Variants in NPAS1 observed in about 807,000 individuals in gnomAD.
The protein encoded by NPAS1 is neuronal PAS domain-containing protein 1.
In NPAS1, 29 loss-of-function variants were observed where a neutral mutation model predicts 49.2. The ratio of observed to expected loss-of-function variants is 0.59; its 90% CI spans 0.44 to 0.80. The LOEUF (loss-of-function observed/expected upper bound fraction) is 0.80, where lower values mean the gene tolerates loss of function less well. NPAS1 is among the 30% of genes least tolerant of loss of function. NPAS1 has a pLI of 0.00. For synonymous variants in NPAS1, 408 were observed against 380.4 expected (o/e 1.07, Z -0.84); for missense variants, 825 against 835.5 (o/e 0.99, Z 0.15).
At position 47,026,890 on chromosome 19, in the gene NPAS1, T is replaced by G. The variant is rs530417961; in HGVS notation, c.358+5043T>G. Among the ~76,000 whole-genome samples the G allele has an allele frequency of 4.6e-5, 7 of 151,448 alleles. No individual in the cohort carries two copies. In the East Asian group the frequency reaches 1.4e-3, roughly 29 times the overall value. On this transcript the variant is annotated intron_variant, in intron 3 of 11. Coordinates refer to ENST00000602212, the MANE Select transcript of NPAS1 (RefSeq NM_002517.4). Reference sequence around the variant, plus strand: ...AATCACGTGAACCAGGAGGCAGAGGTTGCGGTGAGCTGAGATCCTGCCACT... The same window carrying G: ...AATCACGTGAACCAGGAGGCAGAGGGTGCGGTGAGCTGAGATCCTGCCACT...
chr19:47,027,081 G>A (rs940891262), intron 3 of NPAS1, among the ~76,000 whole-genome samples: 2 of 152,170 alleles, frequency 1.3e-5, no homozygotes, highest in African/African-American at 4.8e-5. Flanking sequence ...GAAAGTAAAG[G>A]CAAAGGTGAC....
Position 47,021,166 on chromosome 19 carries a change from C to G in NPAS1, c.119C>G (p.Pro40Arg). Residue 40 changes from proline (P) to arginine (R), a missense_variant, in exon 2 of 12, where the codon CCG becomes CGG. Physicochemically the swap from Pro to Arg is moderately radical, Grantham distance 103. Transcript: ENST00000602212. The surrounding 1 kb of genome is among the most constrained non-coding windows in gnomAD (Gnocchi z 5.7). ...CTGATGGTCAAGGCGCCGTCCGGACCGTGGTGAGCAAAGCCCCGCCCCCCT... is the reference window on the plus strand; with the variant it reads ...CTGATGGTCAAGGCGCCGTCCGGACGGTGGTGAGCAAAGCCCCGCCCCCCT... Reference protein sequence around the residue: ...PGLMVKAPSGPCLQAQRKEKS... With the variant: ...PGLMVKAPSGRCLQAQRKEKS... 1.9e-6 allele frequency: 3 copies of G among 1,577,524 alleles called. No individual in the cohort carries two copies. The highest frequency in any genetic ancestry group is 2.6e-6 in the Non-Finnish European group (3 of 1,164,188).
In NPAS1 at chr19:47,035,988, T is replaced by C; in HGVS notation, c.547T>C (p.Phe183Leu). The part of the protein sequence containing the change: ...SQVEMTGSSV[F>L]DYIHPGDHSE... ...GGTGGAGATGACGGGCAGCAGCGTC[T>C]TCGACTACATTCACCCTGGGGACCA... is the stretch of plus-strand genomic sequence containing the variant. Residue 183 changes from phenylalanine (F) to leucine (L), a missense_variant, in exon 6 of 12, where the codon TTC becomes CTC. Phe to Leu is a conservative substitution (Grantham distance 22). Transcript: ENST00000602212. 6.5e-7 allele frequency: 1 copy of C among 1,541,762 alleles called. No homozygotes were observed. Among genetic ancestry groups the C allele is most frequent in the Non-Finnish European group, 8.7e-7 (1 of 1,145,768 alleles).
chr19:47,020,329 G>C (rs1394850893), intron 1 of NPAS1, among the ~76,000 whole-genome samples: 1 of 151,950 alleles, frequency 6.6e-6, no homozygotes, highest in East Asian at 1.9e-4. Flanking sequence ...CCCGAGTGTC[G>C]GGTCAATCCT....
intron 3 of NPAS1, among the ~76,000 whole-genome samples, chr19:47,029,493 G>A (rs566491896): frequency 9.2e-5 from 14 of 152,060 alleles, no homozygotes; most frequent in African/African-American, 1.9e-4. Flanking sequence ...TCCACGTCCC[G>A]GGTTCAAGCA....
At position 47,021,539 on chromosome 19, in the gene NPAS1, G is replaced by C; in HGVS notation, c.123-73G>C. 1 of 1,057,060 alleles carries C rather than the reference G, an allele frequency of 9.5e-7. No individual in the cohort carries two copies. Among genetic ancestry groups the C allele is most frequent in the Non-Finnish European group, 1.3e-6 (1 of 772,804 alleles). The allele number at this position is 1,057,060 out of a possible 1,614,324, so 65.5% of individuals were successfully genotyped here. On this transcript the variant is annotated intron_variant, in intron 2 of 11. Coordinates refer to ENST00000602212, the MANE Select transcript of NPAS1 (RefSeq NM_002517.4). This position sits in a 1 kb window ranked among gnomAD's most constrained non-coding sequence, Gnocchi z 5.7. ...TCCCGTTCCCAAGGCCCCGGGAGGC[G>C]GGGCTCGCCCCCAGTTCCCAAGCCC...
chr19:47,019,840 G>T lies in NPAS1; in HGVS notation c.-200G>T. The T allele has an allele frequency of 3.4e-6, 1 of 297,730 alleles. No homozygotes were observed. Among genetic ancestry groups the T allele is most frequent in the Non-Finnish European group, 6.2e-6 (1 of 162,046 alleles). 18.4% of individuals were successfully genotyped at this position (297,730 alleles called of 1,614,324 possible). A position where few individuals can be genotyped will look rare whatever the true frequency, so the allele number is the denominator to read the frequency against. On this transcript the variant is annotated 5_prime_UTR_variant, in exon 1 of 12. Coordinates refer to ENST00000602212, the MANE Select transcript of NPAS1 (RefSeq NM_002517.4). ...CGCGCGTCTCCAAGTCTGCGAGGCCGAGGTGGGCGCCGAGAGCTGGGCGCC... is the reference window on the plus strand; with the variant it reads ...CGCGCGTCTCCAAGTCTGCGAGGCCTAGGTGGGCGCCGAGAGCTGGGCGCC...
intron 3 of NPAS1, among the ~76,000 whole-genome samples, chr19:47,025,584 A>G (rs904009793): frequency 6.6e-6 from 1 of 151,334 alleles, no homozygotes; most frequent in African/African-American, 2.4e-5. Flanking sequence ...AGCCCTTTTT[A>G]AATTTTTTTG....
chr19:47,020,941 T>G, intron 1 of NPAS1, 65 bp from the exon 2 acceptor site: 1 of 601,576 alleles, frequency 1.7e-6, no homozygotes, highest in Non-Finnish European at 2.5e-6. Flanking sequence ...CCTGCACGGA[T>G]CTCAGTTTCC....
rs935459328 is a variant in NPAS1 at position 47,025,083 on chromosome 19, G to A, written c.358+3236G>A. On this transcript the variant is annotated intron_variant, in intron 3 of 11. Transcript: ENST00000602212. ...AGTGCTGGGATTGCAGGCGTGAGGC[G>A]CCGTGCCCGGCTTTTACAGCCTTCT... is the stretch of plus-strand genomic sequence containing the variant. 3.5e-4 allele frequency among the ~76,000 whole-genome samples: 46 copies of A among 130,008 alleles called. 12 individuals are homozygous for A. Among genetic ancestry groups the A allele is most frequent in the Non-Finnish European group, 7.7e-4 (44 of 57,382 alleles). The allele number at this position is 130,008 out of a possible 152,430, so 85.3% of individuals were successfully genotyped here.
chr19:47,031,364 AT>A (rs1358909045), intron 3 of NPAS1, among the ~76,000 whole-genome samples: 1 of 150,872 alleles, frequency 6.6e-6, no homozygotes, highest in East Asian at 2.0e-4. Flanking sequence ...TGCCCAGCTA[AT>A]TTTTTTGTGT....
chr19:47,019,979 C>A lies in NPAS1; in HGVS notation c.-61C>A. Reference sequence around the variant, plus strand: ...GGAGCCTGCTCTGCGGCCAAGTAATCGGACTGGCGGTCCTGCGGGTAGGGG... The same window carrying A: ...GGAGCCTGCTCTGCGGCCAAGTAATAGGACTGGCGGTCCTGCGGGTAGGGG... On this transcript the variant is annotated 5_prime_UTR_variant, in exon 1 of 12. Transcript: ENST00000602212. 1 of 394,038 alleles carries A rather than the reference C, an allele frequency of 2.5e-6. No homozygotes were observed. The allele number at this position is 394,038 out of a possible 1,614,324, so 24.4% of individuals were successfully genotyped here.
chr19:47,030,815 A>C (rs1298914412), intron 3 of NPAS1, among the ~76,000 whole-genome samples: 1 of 151,828 alleles, frequency 6.6e-6, no homozygotes, highest in Non-Finnish European at 1.5e-5. Flanking sequence ...CATCATGCCC[A>C]GCTAATTTTT....
intron 3 of NPAS1, among the ~76,000 whole-genome samples, chr19:47,030,704 A>C (rs953005432): frequency 1.5e-5 from 2 of 132,136 alleles, no homozygotes; most frequent in Non-Finnish European, 3.1e-5. Flanking sequence ...CCCAGGCTGC[A>C]ATGCAATGGC....
intron 10 of NPAS1, 55 bp from the exon 11 acceptor site, chr19:47,042,755 G>T (rs1156517852): frequency 6.2e-6 from 9 of 1,447,412 alleles, no homozygotes; most frequent in South Asian, 1.3e-5. Context: ...AAGCAGGAGG[G>T]AGTCCTGAGA....
intron 9 of NPAS1, 129 bp from the exon 10 acceptor site, chr19:47,040,849 C>A: frequency 1.3e-6 from 1 of 779,368 alleles, no homozygotes; most frequent in Non-Finnish European, 2.0e-6. Context: ...ACCTTTTTCT[C>A]TTCTCCCCAC....
At chr19:47,043,787 C>T (rs55748007) in intron 11 of NPAS1, among the ~76,000 whole-genome samples, 11 of 150,992 alleles carry the variant, frequency 7.3e-5, no homozygotes, top group African/African-American at 2.2e-4. Context: ...AATCCAGGCC[C>T]GGTGTGGTGG....
rs2056841539 is a variant in NPAS1, at chr19:47,021,576, G to T, written c.123-36G>T. 2 of 1,388,134 alleles carry T rather than the reference G, an allele frequency of 1.4e-6. No individual in the cohort carries two copies. The highest frequency in any genetic ancestry group is 1.9e-6 in the Non-Finnish European group (2 of 1,059,302). The allele number at this position is 1,388,134 out of a possible 1,614,324, so 86.0% of individuals were successfully genotyped here. A position where few individuals can be genotyped will look rare whatever the true frequency, so the allele number is the denominator to read the frequency against. On this transcript the variant is annotated intron_variant, in intron 2 of 11. Transcript: ENST00000602212. The surrounding 1 kb of genome is among the most constrained non-coding windows in gnomAD (Gnocchi z 5.7). ...CAGTTCCCAAGCCCCTGAGCCCCGGGGCCCCGCCGACACCTCCTCCGCGCC... is the reference window on the plus strand; with the variant it reads ...CAGTTCCCAAGCCCCTGAGCCCCGGTGCCCCGCCGACACCTCCTCCGCGCC...
At position 47,045,724 on chromosome 19, in the gene NPAS1, C is replaced by T. The variant is rs1168040949; in HGVS notation, c.*73C>T. 1.4e-5 allele frequency: 18 copies of T among 1,263,142 alleles called. No homozygotes were observed. The highest frequency in any genetic ancestry group is 5.0e-5 in the South Asian group (3 of 60,458). The allele number at this position is 1,263,142 out of a possible 1,614,324, so 78.2% of individuals were successfully genotyped here. On this transcript the variant is annotated 3_prime_UTR_variant, in exon 12 of 12. Coordinates refer to ENST00000602212, the MANE Select transcript of NPAS1 (RefSeq NM_002517.4). ...CCAGGACAGTAGGCCCGGCTCTGCC[C>T]GTAGCCCTGAGAATTAAACGCCGGC...
Sources: allele counts gnomAD v4.1 joint callset (sites outside exome capture counted in the v4.1 genomes callset), GRCh38; gene constraint gnomAD v4.1.1; non-coding constraint Gnocchi (gnomAD v3.1); transcripts MANE v1.5; gene names NCBI Gene and HGNC (gene_info 2026-07-23, HGNC 2026-07-21).